PLXNA4: variants seen among roughly 807,000 people sequenced by gnomAD.
PLXNA4 encodes plexin-A4.
A neutral mutation model predicts 191.8 loss-of-function variants in PLXNA4; 44 were observed. That is an observed-to-expected ratio of 0.23 (90% CI 0.18 to 0.29). The LOEUF (loss-of-function observed/expected upper bound fraction) is 0.29. PLXNA4 is among the 10% of genes least tolerant of loss of function. PLXNA4 has a pLI of 1.00. For missense variants in PLXNA4, 1,800 were observed against 2,488.8 expected (o/e 0.72, Z 5.89); for synonymous variants, 1,082 against 1,009.5 (o/e 1.07, Z -1.36).
intron 1 of PLXNA4, among the ~76,000 whole-genome samples, chr7:132,518,925 C>T (rs966613298): frequency 2.5e-5 from 3 of 121,860 alleles, no homozygotes; most frequent in South Asian, 4.6e-4. Flanking sequence ...CCAAGTCTGC[C>T]GTTCCCAGTA....
chr7:132,491,033 A>T (rs536119177), intron 2 of PLXNA4, among the ~76,000 whole-genome samples: 1 of 152,052 alleles, frequency 6.6e-6, no homozygotes, highest in Non-Finnish European at 1.5e-5. Flanking sequence ...CTTGGGTCTC[A>T]CACACACACC....
intron 3 of PLXNA4, chr7:132,384,421 C>T (rs1346959588): frequency 6.1e-6 from 6 of 985,512 alleles, no homozygotes; most frequent in Non-Finnish European, 7.2e-6. Flanking sequence ...CTCCTCCTCC[C>T]CACCGGCTCT....
intron 1 of PLXNA4, among the ~76,000 whole-genome samples, chr7:132,564,438 T>G (rs1801620145): frequency 6.6e-6 from 1 of 151,734 alleles, no homozygotes; most frequent in Non-Finnish European, 1.5e-5. Context: ...CCCTTCTTCA[T>G]GTCCTGCTTT....
chr7:132,231,490 T>A (rs541309860), intron 5 of PLXNA4, among the ~76,000 whole-genome samples: 1 of 152,336 alleles, frequency 6.6e-6, no homozygotes, highest in African/African-American at 2.4e-5. Flanking sequence ...AGTGGCGTAA[T>A]CTCAGCTCTC....
intron 2 of PLXNA4, among the ~76,000 whole-genome samples, chr7:132,594,947 ATAG>A (rs2116831717): frequency 6.7e-6 from 1 of 148,322 alleles, no homozygotes; most frequent in African/African-American, 2.5e-5. Flanking sequence ...AGATAGATAG[ATAG>A]ATAGATAGAT....
At chr7:132,465,061 G>A (rs1169833102) in intron 3 of PLXNA4, among the ~76,000 whole-genome samples, 1 of 152,216 alleles carries the variant, frequency 6.6e-6, no homozygotes, top group African/African-American at 2.4e-5. Context: ...TGAATGATGA[G>A]GCACTGGAAG....
chr7:132,341,710 C>T (rs965756986), intron 3 of PLXNA4, among the ~76,000 whole-genome samples: 2 of 152,142 alleles, frequency 1.3e-5, no homozygotes, highest in Admixed American at 6.6e-5. Flanking sequence ...CTCATCATGG[C>T]CCTTACCCTG....
At chr7:132,598,115 T>C (rs1404316035) in intron 2 of PLXNA4, among the ~76,000 whole-genome samples, 2 of 152,160 alleles carry the variant, frequency 1.3e-5, no homozygotes, top group Admixed American at 1.3e-4. Flanking sequence ...TTCTTTTTTT[T>C]TGTATTTTTT....
intron 20 of PLXNA4, among the ~76,000 whole-genome samples, chr7:132,177,540 A>G (rs1011090548): frequency 6.6e-6 from 1 of 152,182 alleles, no homozygotes; most frequent in African/African-American, 2.4e-5. Context: ...TCTGAAGCCA[A>G]GGTTTCCTCC....
rs897193530 is a variant in PLXNA4, at chr7:132,364,608, C to T, written c.1372-66386G>A. Among the ~76,000 whole-genome samples the T allele has an allele frequency of 3.3e-5, 5 of 152,310 alleles. No homozygotes were observed. The East Asian group carries it at 7.7e-4, about 24-fold the overall frequency. ...GGGCCCACAGAGGGTCATTTAGCCC[C>T]CTTTCTGCCTGGACTGGACATTAGC... On this transcript the variant is annotated intron_variant, in intron 3 of 31. Transcript: ENST00000321063.
chr7:132,382,780 T>C (rs1356136891), intron 3 of PLXNA4, among the ~76,000 whole-genome samples: 1 of 152,212 alleles, frequency 6.6e-6, no homozygotes, highest in Admixed American at 6.5e-5. Flanking sequence ...ATATATTGTC[T>C]GAGCTACCAA....
At position 132,360,155 on chromosome 7, in the gene PLXNA4, C is replaced by T. The variant is rs554241954; in HGVS notation, c.1372-61933G>A. 3.9e-5 allele frequency among the ~76,000 whole-genome samples: 6 copies of T among 152,312 alleles called. No individual in the cohort carries two copies. In the South Asian group the frequency reaches 1.2e-3, roughly 32 times the overall value. The stretch of plus-strand genomic sequence containing the variant: ...GATTACACAGCTCCCGGGACCATTG[C>T]TATGTACCTTAAAAGCATGGGCACT... On this transcript the variant is annotated intron_variant, in intron 3 of 31. Transcript: ENST00000321063.
rs148013899 is a variant in PLXNA4 at position 132,385,722 on chromosome 7, A to G, written c.1372-87500T>C. Among the ~76,000 whole-genome samples, 1,016 of 152,358 alleles carry G rather than the reference A, an allele frequency of 6.7e-3. 7 individuals are homozygous for G. The highest frequency in any genetic ancestry group is 0.037 in the Middle Eastern group (11 of 294). On this transcript the variant is annotated intron_variant, in intron 3 of 31. Transcript: ENST00000321063. ...AGCATGCAAGTGCATGCGCGCACAC[A>G]CACGCGTGCGCATGCACACATGGAT...
intron 2 of PLXNA4, among the ~76,000 whole-genome samples, chr7:132,586,909 GAC>G (rs1197736618): frequency 6.6e-6 from 1 of 152,216 alleles, no homozygotes; most frequent in African/African-American, 2.4e-5. Flanking sequence ...CATCCTGGGT[GAC>G]AGAGTGAGAC....
At chr7:132,176,614 C>CTG (rs778160364) in intron 20 of PLXNA4, among the ~76,000 whole-genome samples, 3 of 151,052 alleles carry the variant, frequency 2.0e-5, no homozygotes, top group Admixed American at 6.6e-5. Flanking sequence ...GTGTGTATGA[C>CTG]TGCATGTGTG....
chr7:132,385,012 C>G, intron 3 of PLXNA4: 1 of 1,413,768 alleles, frequency 7.1e-7, no homozygotes, highest in Non-Finnish European at 9.2e-7. Context: ...CCTAGCCAAG[C>G]TAAGCAGAGA....
rs147441698 is a variant in PLXNA4 at position 132,221,718 on chromosome 7, C to T, written c.2097+1809G>A. Among the ~76,000 whole-genome samples the T allele has an allele frequency of 5.4e-3, 826 of 152,336 alleles. 1 individual carries two copies. Among genetic ancestry groups the T allele is most frequent in the South Asian group, 0.01 (50 of 4,826 alleles). ...ATAAAATCCAAGATGCAACCACTCT[C>T]CTCCCTTTCCCTATAAAGGGACAAT... On this transcript the variant is annotated intron_variant, in intron 9 of 31. Transcript: ENST00000321063.
In PLXNA4 at chr7:132,334,210, C is replaced by T. The variant is rs76094570; in HGVS notation, c.1372-35988G>A. On this transcript the variant is annotated intron_variant, in intron 3 of 31. Coordinates refer to ENST00000321063, the MANE Select transcript of PLXNA4 (RefSeq NM_020911.2). The stretch of plus-strand genomic sequence containing the variant: ...ATTCAAACAGAGGTGTCTCCTGGTG[C>T]TTTATAAGATTTCAGATTTCTTTTC... Among the ~76,000 whole-genome samples, 118 of 145,694 alleles carry T rather than the reference C, an allele frequency of 8.1e-4. 1 individual carries two copies. The highest frequency in any genetic ancestry group is 2.6e-3 in the African/African-American group (102 of 39,150).
chr7:132,604,693 C>A (rs116572294), intron 2 of PLXNA4, among the ~76,000 whole-genome samples: 1,916 of 151,626 alleles, frequency 0.013, 49 homozygotes, highest in African/African-American at 0.044. Flanking sequence ...TCTTCCCTAT[C>A]TATATATCCT....
Sources: allele counts gnomAD v4.1 joint callset (sites outside exome capture counted in the v4.1 genomes callset), GRCh38; gene constraint gnomAD v4.1.1; transcripts MANE v1.5; gene names NCBI Gene and HGNC (gene_info 2026-07-23, HGNC 2026-07-21).